SBF2: variants seen among roughly 807,000 people sequenced by gnomAD.
SBF2 encodes SET binding factor 2.
A neutral mutation model predicts 225.2 loss-of-function variants in SBF2; 112 were observed. That is an observed-to-expected ratio of 0.50 (90% confidence interval 0.43 to 0.58). SBF2 has a LOEUF of 0.58. Among genes scored for constraint, SBF2 ranks in the 20% least tolerant of loss-of-function variants. The pLI is 0.00. For missense variants in SBF2, 1,996 were observed against 2,206.2 expected (o/e 0.90, Z 1.91); for synonymous variants, 763 against 773.3 (o/e 0.99, Z 0.22).
Position 10,252,463 on chromosome 11 carries a change from T to C in SBF2, c.55+41552A>G, listed in dbSNP as rs536074599. ...AAATCTTGGCCAATCCCATCGGCCA[T>C]ACTTCAACCATTCATAGACTGCTGA... On this transcript the variant is annotated intron_variant, in intron 1 of 39. Transcript: ENST00000256190. Among the ~76,000 whole-genome samples, 5 of 152,370 alleles carry C rather than the reference T, an allele frequency of 3.3e-5. No individual in the cohort carries two copies. The South Asian group carries it at 1.0e-3, about 32-fold the overall frequency.
rs187858676 is a variant in SBF2 at position 9,951,086 on chromosome 11, C to T, written c.1860+10871G>A. 3.8e-3 allele frequency among the ~76,000 whole-genome samples: 575 copies of T among 152,036 alleles called. 4 individuals are homozygous for T. Among genetic ancestry groups the T allele is most frequent in the South Asian group, 5.4e-3 (26 of 4,800 alleles). On this transcript the variant is annotated intron_variant, in intron 16 of 39. Coordinates refer to ENST00000256190, the MANE Select transcript of SBF2 (RefSeq NM_030962.4). ...GAAGGCTTCCAGAAAGAAATGACAT[C>T]CAAGCTGAAATTAAAGGATGAGTAG... is the stretch of plus-strand genomic sequence containing the variant.
At chr11:9,795,136 G>GT (rs1853041322) in intron 33 of SBF2, among the ~76,000 whole-genome samples, 1 of 152,164 alleles carries the variant, frequency 6.6e-6, no homozygotes, top group Non-Finnish European at 1.5e-5. Context: ...CTTGGGAAAT[G>GT]TTTTTACCGG....
At chr11:10,215,368 G>T (rs1279581801) in intron 1 of SBF2, among the ~76,000 whole-genome samples, 1 of 152,146 alleles carries the variant, frequency 6.6e-6, no homozygotes, top group Non-Finnish European at 1.5e-5. Flanking sequence ...ATCAATTATT[G>T]CATTGTTGCA....
At chr11:9,975,172 C>T (rs1346535446) in intron 13 of SBF2, among the ~76,000 whole-genome samples, 1 of 151,950 alleles carries the variant, frequency 6.6e-6, no homozygotes, top group South Asian at 2.1e-4. Context: ...GGTATTCATA[C>T]AAGAGAAATG....
At chr11:9,832,665 T>A (rs1238107529) in intron 26 of SBF2, among the ~76,000 whole-genome samples, 1 of 152,214 alleles carries the variant, frequency 6.6e-6, no homozygotes, top group Non-Finnish European at 1.5e-5. Context: ...GGTTTCAAAT[T>A]TTTGGGCTCA....
At chr11:10,176,400 G>C (rs1229205311) in intron 2 of SBF2, among the ~76,000 whole-genome samples, 1 of 151,806 alleles carries the variant, frequency 6.6e-6, no homozygotes, top group Non-Finnish European at 1.5e-5. Context: ...ATGCATCCAG[G>C]AGCTGGTTTT....
intron 1 of SBF2, among the ~76,000 whole-genome samples, chr11:10,245,111 G>A (rs1959640726): frequency 7.3e-6 from 1 of 137,126 alleles, no homozygotes; most frequent in Non-Finnish European, 1.5e-5. Flanking sequence ...TCCAGCATGG[G>A]CAACGGAGTG....
intron 2 of SBF2, among the ~76,000 whole-genome samples, chr11:10,182,384 A>C (rs1032010137): frequency 6.6e-6 from 1 of 152,202 alleles, no homozygotes; most frequent in Non-Finnish European, 1.5e-5. Context: ...ACACCTCTCT[A>C]TATATACATA....
At chr11:10,247,447 G>A (rs988695637) in intron 1 of SBF2, among the ~76,000 whole-genome samples, 8 of 151,546 alleles carry the variant, frequency 5.3e-5, no homozygotes, top group Non-Finnish European at 8.8e-5. Context: ...TTGGGAGGCC[G>A]AGGTGGGAAG....
intron 6 of SBF2, among the ~76,000 whole-genome samples, chr11:10,022,040 T>C (rs1050198404): frequency 2.6e-5 from 4 of 152,204 alleles, no homozygotes; most frequent in African/African-American, 9.6e-5. Context: ...GATCTTCAAA[T>C]GACCAATTAT....
At chr11:10,218,375 C>G (rs188896750) in intron 1 of SBF2, among the ~76,000 whole-genome samples, 2 of 142,570 alleles carry the variant, frequency 1.4e-5, no homozygotes, top group African/African-American at 5.2e-5. Context: ...TCCCATGACA[C>G]GTGGGAATTA....
chr11:10,139,913 G>A (rs531813707), intron 2 of SBF2, among the ~76,000 whole-genome samples: 3 of 152,294 alleles, frequency 2.0e-5, no homozygotes, highest in South Asian at 2.1e-4. Flanking sequence ...AGAAGTATAA[G>A]TCAACTATGA....
intron 16 of SBF2, among the ~76,000 whole-genome samples, chr11:9,920,299 G>C (rs1057091651): frequency 4.0e-5 from 6 of 151,804 alleles, no homozygotes; most frequent in Non-Finnish European, 8.8e-5. Flanking sequence ...ATTGGGAAGG[G>C]GGAAGAATTT....
At chr11:10,019,970 A>G (rs1376745558) in intron 6 of SBF2, among the ~76,000 whole-genome samples, 1 of 152,088 alleles carries the variant, frequency 6.6e-6, no homozygotes, top group Non-Finnish European at 1.5e-5. Flanking sequence ...GCTCCTACAA[A>G]TGTTCTTATT....
intron 38 of SBF2, among the ~76,000 whole-genome samples, chr11:9,783,815 T>G (rs1852191059): frequency 6.6e-6 from 1 of 152,176 alleles, no homozygotes; most frequent in South Asian, 2.1e-4. Context: ...GCTGCCATCT[T>G]TGAAGGGTAA....
rs35931698 is a variant in SBF2, at chr11:10,271,196, C to CTT, written c.55+22817_55+22818dup. ...AAAACCAAGGACAGCAATCTTGATT[C>CTT]TTTTTTTTTTTTTTTTTTGAAGTTA... On this transcript the variant is annotated intron_variant, in intron 1 of 39. Transcript: ENST00000256190. Among the ~76,000 whole-genome samples, 71 of 81,060 alleles carry CTT rather than the reference C, an allele frequency of 8.8e-4. 9 individuals are homozygous for CTT. Among genetic ancestry groups the CTT allele is most frequent in the African/African-American group, 2.5e-3 (62 of 24,566 alleles). The allele number at this position is 81,060 out of a possible 152,430, so 53.2% of individuals were successfully genotyped here.
chr11:9,823,098 G>A (rs1201495926), intron 28 of SBF2, among the ~76,000 whole-genome samples: 1 of 152,226 alleles, frequency 6.6e-6, no homozygotes, highest in Non-Finnish European at 1.5e-5. Context: ...GTATTTGAGA[G>A]GCAGTACTAA....
At chr11:10,087,128 C>T (rs759075570) in intron 2 of SBF2, among the ~76,000 whole-genome samples, 12 of 151,936 alleles carry the variant, frequency 7.9e-5, no homozygotes, top group South Asian at 2.1e-4. Flanking sequence ...TTGTGTAGGT[C>T]GGACCTTGCA....
chr11:10,106,274 A>C (rs941651870), intron 2 of SBF2, among the ~76,000 whole-genome samples: 1 of 152,216 alleles, frequency 6.6e-6, no homozygotes, highest in Non-Finnish European at 1.5e-5. Context: ...AAAATAAAGA[A>C]AAGACAGGGA....
Sources: allele counts gnomAD v4.1 joint callset (sites outside exome capture counted in the v4.1 genomes callset), GRCh38; gene constraint gnomAD v4.1.1; transcripts MANE v1.5; gene names NCBI Gene and HGNC (gene_info 2026-07-23, HGNC 2026-07-21).